RIMS1: variants seen among roughly 807,000 people sequenced by gnomAD.
RIMS1 encodes the protein regulating synaptic membrane exocytosis protein 1.
RIMS1 carries 83 observed loss-of-function variants against 214.1 expected under a neutral mutation model. The observed-to-expected ratio is 0.39, with a 90% confidence interval of 0.32 to 0.47. The LOEUF is 0.47. RIMS1 is among the 20% of genes least tolerant of loss of function. The pLI, the probability that RIMS1 is intolerant of heterozygous loss-of-function variation, is 0.99. For synonymous variants in RIMS1, 793 were observed against 786.8 expected (o/e 1.01, Z -0.13); for missense variants, 2,050 against 2,161.8 (o/e 0.95, Z 1.03).
At position 72,237,912 on chromosome 6, in the gene RIMS1, C is replaced by A. The variant is rs752681556; in HGVS notation, c.1947C>A (p.His649Gln). 1 of 1,605,328 alleles carries A rather than the reference C, an allele frequency of 6.2e-7. No individual in the cohort carries two copies. Among genetic ancestry groups the A allele is most frequent in the African/African-American group, 1.3e-5 (1 of 74,296 alleles). ...GTAGCCTAGCAGATGTAGTTGGACACCTAAGAGCAGGTAAAGTTTCTTTTT... is the reference window on the plus strand; with the variant it reads ...GTAGCCTAGCAGATGTAGTTGGACAACTAAGAGCAGGTAAAGTTTCTTTTT... ...KKGSLADVVGHLRAGDEVLEW... is the reference protein window; with the variant it reads ...KKGSLADVVGQLRAGDEVLEW... Residue 649 changes from histidine to glutamine, a missense_variant, in exon 9 of 34, where the codon CAC (histidine) becomes CAA (glutamine). Coordinates refer to ENST00000521978, the MANE Select transcript of RIMS1 (RefSeq NM_014989.7).
intron 4 of RIMS1, among the ~76,000 whole-genome samples, chr6:72,172,248 A>T (rs1213598459): frequency 6.6e-6 from 1 of 150,880 alleles, no homozygotes; most frequent in Non-Finnish European, 1.5e-5. Flanking sequence ...ATGGTAAATG[A>T]TCAAAAAAAT....
intron 29 of RIMS1, among the ~76,000 whole-genome samples, chr6:72,367,125 A>G (rs2098060024): frequency 6.6e-6 from 1 of 152,244 alleles, no homozygotes; most frequent in Non-Finnish European, 1.5e-5. Flanking sequence ...GCATTGTAAT[A>G]TCCAAATATG....
intron 4 of RIMS1, among the ~76,000 whole-genome samples, chr6:72,116,046 A>T: frequency 6.6e-6 from 1 of 151,902 alleles, no homozygotes; most frequent in Non-Finnish European, 1.5e-5. Context: ...TTCCTACTTA[A>T]TGTATTTCTT....
rs529525477 is a variant in RIMS1, at chr6:72,106,227, A to G, written c.471+6241A>G. Among the ~76,000 whole-genome samples, 15 of 152,332 alleles carry G rather than the reference A, an allele frequency of 9.8e-5. No homozygotes were observed. In the South Asian group the frequency reaches 2.9e-3, roughly 29 times the overall value. On this transcript the variant is annotated intron_variant, in intron 4 of 33. Coordinates refer to ENST00000521978, the MANE Select transcript of RIMS1 (RefSeq NM_014989.7). ...TTTGAATCACTTTACAATGGTGGCA[A>G]AATAATTTTGTGCATTTAATTTATG...
intron 29 of RIMS1, among the ~76,000 whole-genome samples, chr6:72,362,790 T>G (rs752987146): frequency 3.3e-5 from 5 of 152,206 alleles, no homozygotes; most frequent in South Asian, 4.1e-4. Context: ...TCCCTATAGT[T>G]CAGTTGTTCA....
chr6:72,059,517 C>A (rs1325402842), intron 2 of RIMS1, among the ~76,000 whole-genome samples: 1 of 152,186 alleles, frequency 6.6e-6, no homozygotes, highest in Non-Finnish European at 1.5e-5. Context: ...GTGTGAGCCA[C>A]CATATCTGGC....
At chr6:72,089,445 G>A (rs1835578520) in intron 2 of RIMS1, among the ~76,000 whole-genome samples, 1 of 152,110 alleles carries the variant, frequency 6.6e-6, no homozygotes, top group South Asian at 2.1e-4. Flanking sequence ...TGGTATTTTT[G>A]TTTTGTTTTG....
chr6:72,047,644 G>A (rs1823438589), intron 2 of RIMS1, among the ~76,000 whole-genome samples: 1 of 151,714 alleles, frequency 6.6e-6, no homozygotes, highest in Non-Finnish European at 1.5e-5. Context: ...TTGGCAATCT[G>A]GAATGGAATA....
At chr6:72,282,805 G>T (rs1472116720) in intron 23 of RIMS1, among the ~76,000 whole-genome samples, 1 of 152,020 alleles carries the variant, frequency 6.6e-6, no homozygotes, top group East Asian at 1.9e-4. Flanking sequence ...TTTCCAACTG[G>T]TAAGGGAATA....
chr6:72,361,096 C>CTTTTTTTTTT (rs70994124), intron 29 of RIMS1, among the ~76,000 whole-genome samples: 11 of 54,434 alleles, frequency 2.0e-4, no homozygotes, highest in Non-Finnish European at 2.8e-4. Context: ...GTCTTTCTTT[C>CTTTTTTTTTT]TTTTTTTTTT....
intron 2 of RIMS1, among the ~76,000 whole-genome samples, chr6:72,000,079 G>A (rs1371722719): frequency 1.3e-5 from 2 of 151,774 alleles, no homozygotes; most frequent in Admixed American, 1.3e-4. Flanking sequence ...ATCAGTTTCT[G>A]AGAATGGATC....
chr6:72,301,263 A>G (rs1043504163), intron 26 of RIMS1, among the ~76,000 whole-genome samples: 18 of 151,736 alleles, frequency 1.2e-4, no homozygotes, highest in Non-Finnish European at 2.5e-4. Flanking sequence ...TATTCCAAGA[A>G]AGTGTGCCAG....
intron 27 of RIMS1, among the ~76,000 whole-genome samples, chr6:72,310,045 C>G (rs1341729449): frequency 6.6e-6 from 1 of 151,990 alleles, no homozygotes; most frequent in Non-Finnish European, 1.5e-5. Context: ...CCAGTATTGG[C>G]ACAAATTTTA....
intron 4 of RIMS1, among the ~76,000 whole-genome samples, chr6:72,138,943 T>G (rs2041735737): frequency 6.6e-6 from 1 of 152,206 alleles, no homozygotes; most frequent in South Asian, 2.1e-4. Context: ...CAATTCTACT[T>G]TTATATTTTT....
chr6:72,121,421 A>G (rs992738043), intron 4 of RIMS1, among the ~76,000 whole-genome samples: 4 of 151,824 alleles, frequency 2.6e-5, no homozygotes, highest in African/African-American at 7.2e-5. Context: ...ACAATTGTGA[A>G]TGGGAGTTCA....
chr6:72,097,530 T>C (rs1454733138), intron 3 of RIMS1, among the ~76,000 whole-genome samples: 2 of 152,256 alleles, frequency 1.3e-5, no homozygotes, highest in African/African-American at 4.8e-5. Flanking sequence ...TTTTGATTTC[T>C]GTAACATTAG....
chr6:71,927,137 C>T (rs1436264584), intron 1 of RIMS1, among the ~76,000 whole-genome samples: 1 of 152,022 alleles, frequency 6.6e-6, no homozygotes, highest in Non-Finnish European at 1.5e-5. Flanking sequence ...ATAATTTATC[C>T]ACATATATAT....
chr6:71,958,205 G>A (rs916846324), intron 1 of RIMS1, among the ~76,000 whole-genome samples: 2 of 152,052 alleles, frequency 1.3e-5, no homozygotes, highest in Admixed American at 6.6e-5. Context: ...GTCATGGTAC[G>A]TGGCACAGAG....
chr6:71,923,582 T>A (rs1429590183), intron 1 of RIMS1, among the ~76,000 whole-genome samples: 1 of 152,118 alleles, frequency 6.6e-6, no homozygotes, highest in Non-Finnish European at 1.5e-5. Flanking sequence ...CTTTTTTTTT[T>A]TTGAGACAGA....
Sources: gnomAD v4.1 joint callset for allele counts (sites outside exome capture counted in the v4.1 genomes callset) on GRCh38, gnomAD v4.1.1 for gene constraint, MANE v1.5 for transcripts, NCBI Gene and HGNC (gene_info 2026-07-23, HGNC 2026-07-21) for gene names.